ARB2A: variants seen among roughly 807,000 people sequenced by gnomAD.
ARB2A encodes ARB2 cotranscriptional regulator A, also known as cotranscriptional regulator ARB2A.
chr5:93,885,830 G>A, the ARB2A span, among the ~76,000 whole-genome samples: 22 of 151,654 alleles, frequency 1.5e-4, no homozygotes, highest in African/African-American at 5.3e-4. Context: ...AAAAGTACTT[G>A]TGATTTAAAT....
the ARB2A span, among the ~76,000 whole-genome samples, chr5:94,045,170 T>C: frequency 1.3e-5 from 2 of 148,910 alleles, no homozygotes; most frequent in African/African-American, 2.5e-5. Flanking sequence ...TTACCCTATA[T>C]GGTTTTAAAA....
chr5:93,635,793 T>C, the ARB2A span, among the ~76,000 whole-genome samples: 2 of 152,282 alleles, frequency 1.3e-5, no homozygotes, highest in African/African-American at 2.4e-5. Context: ...ATTTCATGTA[T>C]GAGATACACC....
chr5:93,853,341 C>A, the ARB2A span, among the ~76,000 whole-genome samples: 5 of 152,328 alleles, frequency 3.3e-5, no homozygotes, highest in Admixed American at 3.3e-4. Flanking sequence ...TGCTTATCAG[C>A]TTAAGGAGAT....
the ARB2A span, among the ~76,000 whole-genome samples, chr5:93,633,822 C>A: frequency 6.6e-6 from 1 of 152,184 alleles, no homozygotes; most frequent in African/African-American, 2.4e-5. Context: ...CTATATATAT[C>A]TGAGACAAGG....
the ARB2A span, among the ~76,000 whole-genome samples, chr5:93,872,279 A>C: frequency 1.3e-5 from 2 of 152,064 alleles, no homozygotes; most frequent in African/African-American, 4.8e-5. Flanking sequence ...ATTAATTTAC[A>C]TCATTTATTC....
the ARB2A span, among the ~76,000 whole-genome samples, chr5:93,705,649 GTGTA>G: frequency 0.011 from 1,572 of 141,198 alleles, 13 homozygotes; most frequent in African/African-American, 0.031. Context: ...GTGTGTGTGT[GTGTA>G]TATATATATA....
the ARB2A span, among the ~76,000 whole-genome samples, chr5:93,829,643 A>G: frequency 6.6e-6 from 1 of 152,218 alleles, no homozygotes; most frequent in Admixed American, 6.5e-5. Flanking sequence ...CAGGCTGATT[A>G]CCTACAACCT....
the ARB2A span, among the ~76,000 whole-genome samples, chr5:93,767,993 C>CAAAAAA: frequency 2.9e-4 from 6 of 20,950 alleles, no homozygotes; most frequent in South Asian, 5.1e-3. Flanking sequence ...GACTCCATCT[C>CAAAAAA]AAAAAAAAAA....
At chr5:93,664,911 C>A in the ARB2A span, among the ~76,000 whole-genome samples, 2 of 152,206 alleles carry the variant, frequency 1.3e-5, no homozygotes, top group Non-Finnish European at 2.9e-5. Context: ...ACTGCAACTT[C>A]CGCCTCCCAG....
At chr5:94,009,845 T>G in the ARB2A span, among the ~76,000 whole-genome samples, 1 of 152,034 alleles carries the variant, frequency 6.6e-6, no homozygotes, top group Admixed American at 6.5e-5. Flanking sequence ...AATTCTCTAC[T>G]ATTGTTTGAT....
chr5:94,006,661 T>C, the ARB2A span, among the ~76,000 whole-genome samples: 1 of 152,210 alleles, frequency 6.6e-6, no homozygotes, highest in South Asian at 2.1e-4. Context: ...GTAAATCATA[T>C]TTTTTCTTAT....
chr5:94,058,767 G>A, the ARB2A span, among the ~76,000 whole-genome samples: 1 of 152,172 alleles, frequency 6.6e-6, no homozygotes, highest in African/African-American at 2.4e-5. Flanking sequence ...TCAATGCTGG[G>A]AAGTGACATA....
chr5:93,696,482 G>C, the ARB2A span, among the ~76,000 whole-genome samples: 1 of 152,126 alleles, frequency 6.6e-6, no homozygotes, highest in Non-Finnish European at 1.5e-5. Context: ...CTGATGATTA[G>C]ATAGAATCCC....
chr5:93,865,930 G>A, the ARB2A span: 54 of 985,250 alleles, frequency 5.5e-5, no homozygotes, highest in Non-Finnish European at 6.5e-5. Context: ...CCCCATAAGG[G>A]CACTCAGTGT....
chr5:93,954,290 G>A, the ARB2A span, among the ~76,000 whole-genome samples: 3 of 151,962 alleles, frequency 2.0e-5, no homozygotes, highest in Non-Finnish European at 4.4e-5. Flanking sequence ...ATACTCCCTG[G>A]TATCACTGGT....
chr5:93,952,766 A>G, the ARB2A span, among the ~76,000 whole-genome samples: 1 of 151,960 alleles, frequency 6.6e-6, no homozygotes, highest in East Asian at 1.9e-4. Context: ...TTCTACCTCT[A>G]CTTCTCTCTA....
the ARB2A span, chr5:93,620,186 T>C: frequency 1.3e-5 from 2 of 152,302 alleles, no homozygotes; most frequent in African/African-American, 4.8e-5. Flanking sequence ...CCATTGAAAA[T>C]GGGACCTTCA....
At chr5:93,651,498 T>A in the ARB2A span, among the ~76,000 whole-genome samples, 1 of 152,120 alleles carries the variant, frequency 6.6e-6, no homozygotes, top group Non-Finnish European at 1.5e-5. Flanking sequence ...AATAAAGAAA[T>A]TTTTAGATAA....
At chr5:93,784,430 C>T in the ARB2A span, 4 of 1,613,436 alleles carry the variant, frequency 2.5e-6, no homozygotes, top group East Asian at 6.7e-5. Context: ...TGATGCCACA[C>T]ATTGTGAACA....
Sources: allele counts gnomAD v4.1 joint callset (sites outside exome capture counted in the v4.1 genomes callset), GRCh38; gene constraint gnomAD v4.1.1; transcripts MANE v1.5; gene names NCBI Gene and HGNC (gene_info 2026-07-23, HGNC 2026-07-21).